Variants in PBX1 observed in about 807,000 individuals in gnomAD.
The protein encoded by PBX1 is PBX homeobox 1, also known as pre-B-cell leukemia transcription factor 1.
PBX1 carries 6 observed loss-of-function variants against 53.4 expected under a neutral mutation model. The observed-to-expected ratio is 0.11, with a 90% CI of 0.06 to 0.22. The LOEUF (loss-of-function observed/expected upper bound fraction) is 0.22, where lower values mean the gene tolerates loss of function less well. Among genes scored for constraint, PBX1 ranks in the 10% least tolerant of loss-of-function variants. The probability of loss-of-function intolerance (pLI) is 1.00; values close to 1 mark genes in which losing one functional copy is unlikely to be tolerated. For missense variants in PBX1, 251 were observed against 551.4 expected, an observed-to-expected ratio of 0.46 and a Z score of 5.46; for synonymous variants, 204 against 212.3, an observed-to-expected ratio of 0.96 and a Z score of 0.34.
rs1221689739 is a variant in PBX1 at position 164,847,505 on chromosome 1, A to G, written c.*829A>G. 2 of 1,061,846 alleles carry G rather than the reference A, an allele frequency of 1.9e-6. No homozygotes were observed. Among genetic ancestry groups the G allele is most frequent in the African/African-American group, 3.3e-5 (2 of 60,900 alleles). 65.8% of individuals were successfully genotyped at this position (1,061,846 alleles called of 1,614,324 possible). ...GAGACCATTCAGCACTGAGAAAGCA[A>G]TATTTAGAACCTATTGCAAAACTGG... On this transcript the variant is annotated 3_prime_UTR_variant, in exon 9 of 9. Coordinates refer to ENST00000420696, the MANE Select transcript of PBX1 (RefSeq NM_002585.4).
intron 2 of PBX1, among the ~76,000 whole-genome samples, chr1:164,869,957 G>T (rs908750772): frequency 3.3e-5 from 5 of 152,176 alleles, no homozygotes; most frequent in Non-Finnish European, 7.3e-5. Context: ...CAAGACTGGA[G>T]CAGAGAGAAC....
intron 4 of PBX1, 81 bp from the exon 5 acceptor site, chr1:164,807,461 C>T: frequency 6.6e-7 from 1 of 1,513,252 alleles, no homozygotes; most frequent in East Asian, 2.3e-5. Context: ...TTGTCTTCTC[C>T]CAGAAGTAGA....
At chr1:164,638,084 T>C (rs1408155344) in intron 2 of PBX1, among the ~76,000 whole-genome samples, 1 of 152,218 alleles carries the variant, frequency 6.6e-6, no homozygotes, top group Non-Finnish European at 1.5e-5. Context: ...CTTTGAAAGC[T>C]GTAAGGCAGC....
intron 2 of PBX1, among the ~76,000 whole-genome samples, chr1:164,589,546 C>T (rs993121073): frequency 6.6e-6 from 1 of 152,108 alleles, no homozygotes; most frequent in Non-Finnish European, 1.5e-5. Context: ...ATTACTTCTT[C>T]CAGAGTGCTA....
At chr1:164,577,752 C>T (rs1336195445) in intron 2 of PBX1, among the ~76,000 whole-genome samples, 2 of 152,080 alleles carry the variant, frequency 1.3e-5, no homozygotes, top group South Asian at 2.1e-4. Context: ...CTCATTACTT[C>T]GAAAATCTAT....
intron 2 of PBX1, among the ~76,000 whole-genome samples, chr1:164,735,345 T>C (rs1461043751): frequency 6.6e-6 from 1 of 152,228 alleles, no homozygotes; most frequent in Non-Finnish European, 1.5e-5. Context: ...GTCGCAGATT[T>C]AATGTAAGTA....
intron 2 of PBX1, among the ~76,000 whole-genome samples, chr1:164,654,361 T>G (rs1660020557): frequency 6.6e-6 from 1 of 152,176 alleles, no homozygotes; most frequent in African/African-American, 2.4e-5. Context: ...GGAACTCTGG[T>G]TAGAGGTGAC....
chr1:164,582,529 TCTC>T (rs1285572505), intron 2 of PBX1, among the ~76,000 whole-genome samples: 1 of 151,880 alleles, frequency 6.6e-6, no homozygotes, highest in East Asian at 1.9e-4. Context: ...TTCAAGCAAT[TCTC>T]CTGCCTCAGC....
intron 2 of PBX1, among the ~76,000 whole-genome samples, chr1:164,700,977 A>G (rs540128954): frequency 1.1e-4 from 17 of 152,356 alleles, no homozygotes; most frequent in Admixed American, 1.1e-3. Flanking sequence ...TAGCAAGACT[A>G]AACATAATCA....
chr1:164,826,752 C>G (rs947788878), intron 8 of PBX1, among the ~76,000 whole-genome samples: 7 of 152,096 alleles, frequency 4.6e-5, no homozygotes, highest in South Asian at 2.1e-4. Flanking sequence ...TGAATTTACT[C>G]CAGCCAGTCT....
At chr1:164,814,585 C>A (rs1272958974) in intron 6 of PBX1, 1 of 152,068 alleles carries the variant, frequency 6.6e-6, no homozygotes, top group African/African-American at 2.4e-5. Context: ...ACCAAAATTA[C>A]AAAAATTAGC....
At chr1:164,879,323 TG>T (rs1232555499) in intron 2 of PBX1, among the ~76,000 whole-genome samples, 1 of 152,046 alleles carries the variant, frequency 6.6e-6, no homozygotes, top group Non-Finnish European at 1.5e-5. Flanking sequence ...ACAATTTCAG[TG>T]GTGAGAAAGG....
At chr1:164,632,637 G>T (rs764184220) in intron 2 of PBX1, among the ~76,000 whole-genome samples, 1 of 152,128 alleles carries the variant, frequency 6.6e-6, no homozygotes, top group African/African-American at 2.4e-5. Context: ...TGTGTTTGGG[G>T]TTTTTTCTCA....
chr1:164,794,056 G>A lies in PBX1; in HGVS notation c.510+1318G>A, dbSNP rs143899505. Among the ~76,000 whole-genome samples the A allele has an allele frequency of 3.6e-3, 543 of 151,808 alleles. 12 individuals carry two copies. The South Asian group carries it at 0.047, about 13-fold the overall frequency. ...TACCCAGCTAATCTTTGTAGTTTTA[G>A]TAGAGACAGGGTTTCACTATGTTGG... On this transcript the variant is annotated intron_variant, in intron 3 of 8. Transcript: ENST00000420696.
At chr1:164,649,978 T>C (rs749601950) in intron 2 of PBX1, among the ~76,000 whole-genome samples, 11 of 152,162 alleles carry the variant, frequency 7.2e-5, no homozygotes, top group Admixed American at 3.3e-4. Flanking sequence ...TGGTCTTTGC[T>C]TACCAAACTC....
intron 2 of PBX1, among the ~76,000 whole-genome samples, chr1:164,606,860 G>GT (rs974340202): frequency 1.3e-5 from 2 of 152,158 alleles, no homozygotes; most frequent in African/African-American, 2.4e-5. Context: ...CATATAACAA[G>GT]TTTTTTTATG....
chr1:164,626,216 T>A lies in PBX1; in HGVS notation c.265+62905T>A, dbSNP rs139270085. ...GGGCTGCTGTTGAGGGAACCACACA[T>A]CTATCTTGATGGCAGAAATACGGTA... is the stretch of plus-strand genomic sequence containing the variant. On this transcript the variant is annotated intron_variant, in intron 2 of 8. Transcript: ENST00000420696. 45 of 484,698 alleles carry A rather than the reference T, an allele frequency of 9.3e-5. No homozygotes were observed. In the East Asian group the frequency reaches 1.6e-3, roughly 17 times the overall value. The allele number at this position is 484,698 out of a possible 1,614,324, so 30.0% of individuals were successfully genotyped here.
intron 2 of PBX1, among the ~76,000 whole-genome samples, chr1:164,716,484 A>C (rs1297689366): frequency 1.3e-5 from 2 of 152,170 alleles, no homozygotes; most frequent in African/African-American, 2.4e-5. Flanking sequence ...GGCAGATGGC[A>C]GTGCGGCCTT....
intron 2 of PBX1, among the ~76,000 whole-genome samples, chr1:164,652,608 T>C (rs1230609915): frequency 6.6e-6 from 1 of 152,146 alleles, no homozygotes; most frequent in African/African-American, 2.4e-5. Flanking sequence ...ATTCAGTGTT[T>C]TTCCCTTATA....
Sources: allele counts gnomAD v4.1 joint callset (sites outside exome capture counted in the v4.1 genomes callset), GRCh38; gene constraint gnomAD v4.1.1; transcripts MANE v1.5; gene names NCBI Gene and HGNC (gene_info 2026-07-23, HGNC 2026-07-21).